Variants in RAPGEF2 observed in about 807,000 individuals in gnomAD.
RAPGEF2 encodes Rap guanine nucleotide exchange factor 2, also known as PDZ domain containing guanine nucleotide exchange factor (GEF) 1.
A neutral mutation model predicts 186.7 loss-of-function variants in RAPGEF2; 54 were observed. That is an observed-to-expected ratio of 0.29 (90% CI 0.23 to 0.36). RAPGEF2 has a LOEUF of 0.36. Ranked by LOEUF, RAPGEF2 falls within the 10% of genes least tolerant of loss-of-function variation. RAPGEF2 has a pLI of 1.00. For missense variants in RAPGEF2, 1,532 were observed against 2,045.0 expected (o/e 0.75, Z 4.84); for synonymous variants, 712 against 705.9 (o/e 1.01, Z -0.14).
intron 22 of RAPGEF2, 21 bp downstream of exon 22, chr4:159,343,425 G>A: frequency 6.2e-7 from 1 of 1,612,150 alleles, no homozygotes; most frequent in Non-Finnish European, 8.5e-7. Context: ...CATCTTCAGT[G>A]GCACGTGTGA....
intron 1 of RAPGEF2, among the ~76,000 whole-genome samples, chr4:159,134,942 T>C (rs1162764446): frequency 6.6e-6 from 1 of 152,250 alleles, no homozygotes; most frequent in Non-Finnish European, 1.5e-5. Flanking sequence ...TTCATGTAAA[T>C]AGTTTATATG....
chr4:159,251,256 GGCGCCGTCCCTTGCTCTGCA>G (rs1755337167), intron 7 of RAPGEF2, among the ~76,000 whole-genome samples: 1 of 152,256 alleles, frequency 6.6e-6, no homozygotes, highest in African/African-American at 2.4e-5. Context: ...CTTCCCGACG[GGCGCCGTCCCTTGCTCTGCA>G]GCGCCTGGTC....
At chr4:159,187,643 G>A (rs1171902234) in intron 2 of RAPGEF2, among the ~76,000 whole-genome samples, 1 of 152,052 alleles carries the variant, frequency 6.6e-6, no homozygotes, top group Non-Finnish European at 1.5e-5. Flanking sequence ...CATCACTTCT[G>A]TTGTACAGTA....
intron 7 of RAPGEF2, among the ~76,000 whole-genome samples, chr4:159,256,577 T>A (rs1415132903): frequency 6.6e-6 from 1 of 152,240 alleles, no homozygotes; most frequent in Non-Finnish European, 1.5e-5. Flanking sequence ...ATGGGATTGC[T>A]GGGTCAAATG....
chr4:159,136,938 C>T (rs1741783735), intron 1 of RAPGEF2, among the ~76,000 whole-genome samples: 1 of 152,138 alleles, frequency 6.6e-6, no homozygotes, highest in African/African-American at 2.4e-5. Flanking sequence ...AAAGTGCCAT[C>T]CTTGATCCTA....
At chr4:159,338,594 C>G (rs1767804551) in intron 18 of RAPGEF2, 126 bp downstream of exon 18, 1 of 1,037,438 alleles carries the variant, frequency 9.6e-7, no homozygotes, top group Non-Finnish European at 1.4e-6. Flanking sequence ...AAGGATGAAA[C>G]TTAAACTTTA....
At chr4:159,108,893 T>A (rs891184683) in intron 1 of RAPGEF2, among the ~76,000 whole-genome samples, 4 of 152,044 alleles carry the variant, frequency 2.6e-5, no homozygotes, top group South Asian at 4.2e-4. Flanking sequence ...ATTTAAAAAA[T>A]TTTTTGTAGA....
At chr4:159,227,039 T>C (rs1262280673) in intron 4 of RAPGEF2, among the ~76,000 whole-genome samples, 2 of 152,248 alleles carry the variant, frequency 1.3e-5, no homozygotes, top group East Asian at 3.8e-4. Context: ...GAATTTTTGT[T>C]GAGGTTCAGT....
At chr4:159,122,056 A>T (rs1739752856) in intron 1 of RAPGEF2, among the ~76,000 whole-genome samples, 1 of 151,090 alleles carries the variant, frequency 6.6e-6, no homozygotes, top group Non-Finnish European at 1.5e-5. Context: ...AAAAAAAAAA[A>T]AAAAAATACA....
At chr4:159,111,491 T>G (rs1206051632) in intron 1 of RAPGEF2, among the ~76,000 whole-genome samples, 1 of 152,222 alleles carries the variant, frequency 6.6e-6, no homozygotes, top group Non-Finnish European at 1.5e-5. Flanking sequence ...CTTGGCACCT[T>G]TCTGTTCTTC....
chr4:159,341,082 A>G (rs913464601), intron 19 of RAPGEF2, among the ~76,000 whole-genome samples: 2 of 152,178 alleles, frequency 1.3e-5, no homozygotes, highest in African/African-American at 4.8e-5. Context: ...TTTCTTAGGT[A>G]TTTGAATAAA....
intron 4 of RAPGEF2, among the ~76,000 whole-genome samples, chr4:159,235,308 G>C (rs1055223337): frequency 1.3e-5 from 2 of 152,124 alleles, no homozygotes; most frequent in Admixed American, 1.3e-4. Flanking sequence ...TAAGCATCTT[G>C]CTGTGCTAAT....
chr4:159,329,157 T>C (rs950676303), intron 11 of RAPGEF2: 2 of 152,164 alleles, frequency 1.3e-5, no homozygotes, highest in African/African-American at 4.8e-5. Flanking sequence ...TCTTTAAAAC[T>C]TCTAAGAAAT....
chr4:159,171,783 T>C (rs1274177623), intron 1 of RAPGEF2, among the ~76,000 whole-genome samples: 1 of 152,062 alleles, frequency 6.6e-6, no homozygotes, highest in Non-Finnish European at 1.5e-5. Flanking sequence ...AAGTAAAAGG[T>C]AAATAATTCT....
chr4:159,285,904 A>G (rs1465008883), intron 7 of RAPGEF2, among the ~76,000 whole-genome samples: 7 of 152,184 alleles, frequency 4.6e-5, no homozygotes, highest in African/African-American at 7.2e-5. Context: ...TGAGACATCA[A>G]TTGGTTGATT....
intron 1 of RAPGEF2, among the ~76,000 whole-genome samples, chr4:159,131,690 T>C (rs993898486): frequency 1.3e-5 from 2 of 151,932 alleles, no homozygotes; most frequent in Non-Finnish European, 2.9e-5. Flanking sequence ...TTGATTAACG[T>C]CTTTCGCGTT....
chr4:159,263,449 T>G (rs1757100060), intron 7 of RAPGEF2, among the ~76,000 whole-genome samples: 1 of 152,198 alleles, frequency 6.6e-6, no homozygotes, highest in African/African-American at 2.4e-5. Flanking sequence ...TGTTGTTTTC[T>G]CGTATCAAAG....
rs566180025 is a variant in RAPGEF2, at chr4:159,329,523, T to G, written c.1150-335T>G. On this transcript the variant is annotated intron_variant, in intron 11 of 29. Coordinates refer to ENST00000691494, the MANE Select transcript of RAPGEF2 (RefSeq NM_001394067.2). The stretch of plus-strand genomic sequence containing the variant: ...GATAATTAAGTTTTTACATCTATTC[T>G]CCTACAATTCCACTCCCCCTACTGC... 9 of 159,672 alleles carry G rather than the reference T, an allele frequency of 5.6e-5. No individual in the cohort carries two copies. The East Asian group carries it at 1.6e-3, about 28-fold the overall frequency. 9.9% of individuals were successfully genotyped at this position (159,672 alleles called of 1,614,324 possible). A position where few individuals can be genotyped will look rare whatever the true frequency, so the allele number is the denominator to read the frequency against.
chr4:159,166,175 G>A (rs932398635), intron 1 of RAPGEF2, among the ~76,000 whole-genome samples: 4 of 152,034 alleles, frequency 2.6e-5, no homozygotes, highest in Non-Finnish European at 1.5e-5. Context: ...TTAGCTGGGC[G>A]TGGTGGCGGG....
Sources: allele counts gnomAD v4.1 joint callset (sites outside exome capture counted in the v4.1 genomes callset), GRCh38; gene constraint gnomAD v4.1.1; transcripts MANE v1.5; gene names NCBI Gene and HGNC (gene_info 2026-07-23, HGNC 2026-07-21).